HMG20A: variants seen among roughly 807,000 people sequenced by gnomAD.
HMG20A encodes high mobility group protein 20A.
Under a neutral mutation model 43.9 loss-of-function variants are expected in HMG20A, and 17 were observed. The ratio of observed to expected loss-of-function variants is 0.39; its 90% CI spans 0.27 to 0.58. HMG20A has a LOEUF of 0.58. HMG20A is among the 20% of genes least tolerant of loss of function. HMG20A has a pLI of 0.59. For synonymous variants in HMG20A, 132 were observed against 147.5 expected, an observed-to-expected ratio of 0.89 and a Z score of 0.76; for missense variants, 341 against 438.2, an observed-to-expected ratio of 0.78 and a Z score of 1.98.
the HMG20A span, among the ~76,000 whole-genome samples, chr15:77,510,497 C>G: frequency 1.3e-5 from 2 of 152,202 alleles, no homozygotes; most frequent in African/African-American, 4.8e-5. Context: ...GGAGAGGAAG[C>G]TGTACTCAGC....
the HMG20A span, among the ~76,000 whole-genome samples, chr15:77,509,021 G>A: frequency 6.6e-6 from 1 of 152,158 alleles, no homozygotes; most frequent in Non-Finnish European, 1.5e-5. Flanking sequence ...TATCTGCCAG[G>A]ACCTGTGTAA....
chr15:77,478,765 A>G (rs1039837462), intron 8 of HMG20A, among the ~76,000 whole-genome samples: 1 of 152,148 alleles, frequency 6.6e-6, no homozygotes, highest in Non-Finnish European at 1.5e-5. Context: ...TTTTAAGCTT[A>G]ATTTGCTATT....
intron 1 of HMG20A, among the ~76,000 whole-genome samples, chr15:77,453,526 A>G (rs2072624294): frequency 6.6e-6 from 1 of 152,208 alleles, no homozygotes; most frequent in Non-Finnish European, 1.5e-5. Context: ...ATTTTCTCAA[A>G]ATATTAAACA....
chr15:77,440,122 GT>G (rs2073595320), intron 1 of HMG20A, among the ~76,000 whole-genome samples: 2 of 152,064 alleles, frequency 1.3e-5, no homozygotes, highest in South Asian at 4.1e-4. Context: ...TAATTTCCCA[GT>G]CTGTGGCTTG....
the HMG20A span, among the ~76,000 whole-genome samples, chr15:77,514,546 G>A: frequency 6.6e-6 from 1 of 152,230 alleles, no homozygotes; most frequent in Non-Finnish European, 1.5e-5. Flanking sequence ...TTCAAAAAGT[G>A]AAGTGTGGAG....
rs1458250317 is a variant in HMG20A at position 77,455,301 on chromosome 15, A to G, written c.-4-3103A>G. 2.0e-5 allele frequency among the ~76,000 whole-genome samples: 3 copies of G among 147,604 alleles called. No homozygotes were observed. The East Asian group carries it at 5.9e-4, about 29-fold the overall frequency. ...CAATGTTCTGATTATGATCTGGCCTACTAGATGACTACAGAGAGAAAATGT... is the reference window on the plus strand; with the variant it reads ...CAATGTTCTGATTATGATCTGGCCTGCTAGATGACTACAGAGAGAAAATGT... On this transcript the variant is annotated intron_variant, in intron 1 of 9. Coordinates refer to ENST00000336216, the MANE Select transcript of HMG20A (RefSeq NM_001304504.2).
chr15:77,486,902 A>G (rs903182449), downstream of HMG20A, among the ~76,000 whole-genome samples: 4 of 152,244 alleles, frequency 2.6e-5, no homozygotes, highest in African/African-American at 9.6e-5. Context: ...GTTTGGCTCT[A>G]CATTAAGCAG....
downstream of HMG20A, among the ~76,000 whole-genome samples, chr15:77,488,024 T>A (rs1159960633): frequency 6.6e-6 from 1 of 152,132 alleles, no homozygotes; most frequent in Non-Finnish European, 1.5e-5. Flanking sequence ...AAATGTAAAT[T>A]CTCTTAGCTT....
the HMG20A span, among the ~76,000 whole-genome samples, chr15:77,514,250 G>A: frequency 6.6e-5 from 10 of 152,244 alleles, no homozygotes; most frequent in Non-Finnish European, 1.2e-4. Flanking sequence ...ATTAATACAC[G>A]CAACAATGTG....
the HMG20A span, among the ~76,000 whole-genome samples, chr15:77,493,916 AG>A: frequency 6.6e-6 from 1 of 152,200 alleles, no homozygotes; most frequent in East Asian, 1.9e-4. Context: ...CAGCAGATGT[AG>A]GTGTTAAGTA....
the HMG20A span, among the ~76,000 whole-genome samples, chr15:77,498,582 G>A: frequency 1.3e-5 from 2 of 152,134 alleles, no homozygotes; most frequent in Non-Finnish European, 2.9e-5. Flanking sequence ...GCATGCCGTG[G>A]GAGATGGGAA....
intron 1 of HMG20A, among the ~76,000 whole-genome samples, chr15:77,424,861 C>T (rs977745813): frequency 6.6e-6 from 1 of 152,122 alleles, no homozygotes; most frequent in Non-Finnish European, 1.5e-5. Context: ...AACTCATTCT[C>T]CTAAACTTAT....
the HMG20A span, among the ~76,000 whole-genome samples, chr15:77,498,873 A>G: frequency 6.6e-6 from 1 of 152,244 alleles, no homozygotes; most frequent in African/African-American, 2.4e-5. Context: ...GGGGATTTGA[A>G]TAGGACTATA....
At chr15:77,455,674 A>C (rs12917143) in intron 1 of HMG20A, among the ~76,000 whole-genome samples, 15,524 of 152,080 alleles carry the variant, frequency 0.1, 860 homozygotes, top group African/African-American at 0.11. Flanking sequence ...TCTCTTCTTT[A>C]CTCATTTAGA....
At chr15:77,512,468 G>A in the HMG20A span, among the ~76,000 whole-genome samples, 1 of 152,074 alleles carries the variant, frequency 6.6e-6, no homozygotes, top group Non-Finnish European at 1.5e-5. Flanking sequence ...GGACACAACA[G>A]CCAACTTGAA....
At chr15:77,494,426 C>T in the HMG20A span, among the ~76,000 whole-genome samples, 8 of 152,298 alleles carry the variant, frequency 5.3e-5, no homozygotes, top group South Asian at 6.2e-4. Context: ...TCACCATACC[C>T]GGCCCCTACT....
chr15:77,494,953 G>A, the HMG20A span, among the ~76,000 whole-genome samples: 16 of 152,146 alleles, frequency 1.1e-4, 2 homozygotes, highest in East Asian at 7.7e-4. Flanking sequence ...TTTTCTGCAA[G>A]ATATATCATA....
chr15:77,502,707 C>T, the HMG20A span, among the ~76,000 whole-genome samples: 1 of 152,276 alleles, frequency 6.6e-6, no homozygotes, highest in East Asian at 1.9e-4. Flanking sequence ...ATGGCTTATA[C>T]CTGTAATCCC....
downstream of HMG20A, among the ~76,000 whole-genome samples, chr15:77,489,605 C>A (rs2072962560): frequency 6.6e-6 from 1 of 152,150 alleles, no homozygotes; most frequent in Non-Finnish European, 1.5e-5. Flanking sequence ...AAACAAGTAA[C>A]CTAACAAACT....
Sources: gnomAD v4.1 joint callset for allele counts (sites outside exome capture counted in the v4.1 genomes callset) on GRCh38, gnomAD v4.1.1 for gene constraint, MANE v1.5 for transcripts, NCBI Gene and HGNC (gene_info 2026-07-23, HGNC 2026-07-21) for gene names.